The following COLEC12 variants were observed in gnomAD, a reference collection of about 807,000 sequenced individuals.
COLEC12 encodes collectin subfamily member 12.
Under a neutral mutation model 71.1 loss-of-function variants are expected in COLEC12, and 33 were observed. The ratio of observed to expected loss-of-function variants is 0.46; its 90% CI spans 0.35 to 0.62. The LOEUF is 0.62. Among genes scored for constraint, COLEC12 ranks in the 20% least tolerant of loss-of-function variants. COLEC12 has a pLI of 0.00. For synonymous variants in COLEC12, 350 were observed against 353.0 expected (o/e 0.99, Z 0.10); for missense variants, 765 against 916.1 (o/e 0.84, Z 2.13).
At chr18:392,066 C>T (rs954264367) in intron 2 of COLEC12, among the ~76,000 whole-genome samples, 6 of 152,198 alleles carry the variant, frequency 3.9e-5, no homozygotes, top group Non-Finnish European at 7.3e-5. Flanking sequence ...TACCTGGGGC[C>T]ATTCATGGGA....
rs1201265619 is a variant in COLEC12 at position 334,945 on chromosome 18, G to A, written c.1613C>T (p.Pro538Leu). 1.3e-6 allele frequency: 2 copies of A among 1,572,148 alleles called. No homozygotes were observed. The highest frequency in any genetic ancestry group is 1.7e-6 in the Non-Finnish European group (2 of 1,167,084). ...GAAGCCAGGAGGGCCCTGAGGGCCG[G>A]GGAGTCCCTCTTTGCCTGGTGGGCC... ...PPGPPGKEGL[P>L]GPQGPPGFQG... is the part of the protein sequence containing the mutation. Residue 538 changes from proline to leucine, a missense_variant, in exon 6 of 10, where the codon CCC becomes CTC. Physicochemically the swap from Pro to Leu is moderately conservative, Grantham distance 98. Transcript: ENST00000400256.
intron 2 of COLEC12, among the ~76,000 whole-genome samples, chr18:458,443 C>T (rs1916913689): frequency 6.6e-6 from 1 of 152,228 alleles, no homozygotes; most frequent in African/African-American, 2.4e-5. Context: ...CGTGGGTGGG[C>T]TGAGGAGGGG....
In COLEC12 at chr18:500,609, T is replaced by C; in HGVS notation, c.-95A>G. On this transcript the variant is annotated 5_prime_UTR_variant, in exon 1 of 10. The change abolishes an upstream ATG in the 5' untranslated region. Transcript: ENST00000400256. The surrounding 1 kb of genome is among the most constrained non-coding windows in gnomAD (Gnocchi z 5.3). Reference sequence around the variant, plus strand: ...CGAGCGGCTGCTCACCGCACGCCCATGGTAGCCGCGCCGCGCGCCGGCCGT... The same window carrying C: ...CGAGCGGCTGCTCACCGCACGCCCACGGTAGCCGCGCCGCGCGCCGGCCGT... The C allele has an allele frequency of 2.9e-6, 3 of 1,043,884 alleles. No homozygotes were observed. Among genetic ancestry groups the C allele is most frequent in the East Asian group, 3.7e-5 (1 of 26,716 alleles). The allele number at this position is 1,043,884 out of a possible 1,614,324, so 64.7% of individuals were successfully genotyped here.
At chr18:359,360 T>C (rs970776818) in intron 2 of COLEC12, among the ~76,000 whole-genome samples, 5 of 152,366 alleles carry the variant, frequency 3.3e-5, no homozygotes, top group South Asian at 2.1e-4. Flanking sequence ...TTATAACCTA[T>C]GGCAGAAAAT....
chr18:350,055 T>C (rs1914475210), intron 3 of COLEC12, among the ~76,000 whole-genome samples: 1 of 152,200 alleles, frequency 6.6e-6, no homozygotes, highest in African/African-American at 2.4e-5. Flanking sequence ...ATGATTTGTT[T>C]TGAAACGTGA....
chr18:442,406 G>A (rs1219087042), intron 2 of COLEC12, among the ~76,000 whole-genome samples: 1 of 152,202 alleles, frequency 6.6e-6, no homozygotes, highest in African/African-American at 2.4e-5. Context: ...CAGTGGAGCT[G>A]TTGGGAGGCC....
rs1914379945 is a variant in COLEC12 at position 346,661 on chromosome 18, C to T, written c.961G>A (p.Ala321Thr). 5.0e-6 allele frequency: 8 copies of T among 1,614,090 alleles called. No individual in the cohort carries two copies. The highest frequency in any genetic ancestry group is 5.9e-6 in the Non-Finnish European group (7 of 1,180,048). ...AACTTGATGGCTGTTCTATTCTCTG[C>T]ATCTTTGTGTAAGTCCTGCAGGTCT... is the stretch of plus-strand genomic sequence containing the variant. ...LKDLQDLHKDAENRTAIKFNQ... is the reference protein window; with the variant it reads ...LKDLQDLHKDTENRTAIKFNQ... Residue 321 changes from alanine (A) to threonine (T), a missense_variant, in exon 5 of 10, where the codon GCA becomes ACA. Transcript: ENST00000400256. The surrounding 1 kb of genome is among the most constrained non-coding windows in gnomAD (Gnocchi z 4.0).
chr18:497,383 GGTGTGTGTGTGTGTGTGTGTGT>G (rs10689788), intron 1 of COLEC12, among the ~76,000 whole-genome samples: 4 of 147,052 alleles, frequency 2.7e-5, no homozygotes, highest in Admixed American at 1.3e-4. Flanking sequence ...TAAAGAATGG[GGTGTGTGTGTGTGTGTGTGTGT>G]GTGTGTGTGT....
intron 2 of COLEC12, chr18:424,404 T>C (rs188939278): frequency 4.6e-5 from 7 of 152,366 alleles, no homozygotes; most frequent in Admixed American, 2.0e-4. Flanking sequence ...GACTTTTATG[T>C]GCAGGAAGCT....
intron 2 of COLEC12, among the ~76,000 whole-genome samples, chr18:393,724 A>C (rs1438907766): frequency 6.6e-6 from 1 of 152,210 alleles, no homozygotes; most frequent in Non-Finnish European, 1.5e-5. Flanking sequence ...CCAGTGTAGC[A>C]CTTATCATAA....
At chr18:450,972 T>C (rs776564874) in intron 2 of COLEC12, among the ~76,000 whole-genome samples, 1 of 152,242 alleles carries the variant, frequency 6.6e-6, no homozygotes, top group Non-Finnish European at 1.5e-5. Flanking sequence ...TTTAGGGATC[T>C]GTAGAACTTT....
intron 2 of COLEC12, among the ~76,000 whole-genome samples, chr18:403,995 GTTAT>G (rs1335290541): frequency 6.6e-6 from 1 of 152,142 alleles, no homozygotes; most frequent in Non-Finnish European, 1.5e-5. Flanking sequence ...GGTTGGTTGG[GTTAT>G]TTATTTATCT....
chr18:374,097 C>T (rs541359821), intron 2 of COLEC12, among the ~76,000 whole-genome samples: 35 of 152,186 alleles, frequency 2.3e-4, no homozygotes, highest in Non-Finnish European at 1.6e-4. Flanking sequence ...TCAAAGGCAG[C>T]GAGCGGCATA....
intron 8 of COLEC12, among the ~76,000 whole-genome samples, chr18:326,370 T>C (rs1041550119): frequency 3.3e-5 from 5 of 152,262 alleles, no homozygotes; most frequent in African/African-American, 1.2e-4. Flanking sequence ...TTTTTTGAGA[T>C]GGAGTCTCGC....
At chr18:344,125 T>C (rs377595002) in intron 5 of COLEC12, among the ~76,000 whole-genome samples, 30 of 151,584 alleles carry the variant, frequency 2.0e-4, no homozygotes, top group African/African-American at 7.0e-4. Context: ...GTCTAAGAAT[T>C]TTTTTTTAAA....
chr18:462,815 G>T (rs1442900365), intron 2 of COLEC12, among the ~76,000 whole-genome samples: 1 of 152,180 alleles, frequency 6.6e-6, no homozygotes, highest in Non-Finnish European at 1.5e-5. Flanking sequence ...ACATGGATAT[G>T]GATTTATAAG....
At chr18:439,118 A>G (rs1219512998) in intron 2 of COLEC12, among the ~76,000 whole-genome samples, 1 of 152,198 alleles carries the variant, frequency 6.6e-6, no homozygotes, top group African/African-American at 2.4e-5. Flanking sequence ...AGATGAGGCA[A>G]GTTTCCTTGC....
At chr18:441,163 G>A (rs976743909) in intron 2 of COLEC12, among the ~76,000 whole-genome samples, 5 of 148,952 alleles carry the variant, frequency 3.4e-5, no homozygotes, top group East Asian at 2.0e-4. Context: ...CAGGAGAATG[G>A]CGTGAACCCG....
chr18:433,183 G>A (rs758258956), intron 2 of COLEC12, among the ~76,000 whole-genome samples: 13 of 152,082 alleles, frequency 8.5e-5, no homozygotes, highest in Non-Finnish European at 1.3e-4. Flanking sequence ...CACACCAATC[G>A]GAGGCTGAAA....
Sources: allele counts gnomAD v4.1 joint callset (sites outside exome capture counted in the v4.1 genomes callset), GRCh38; gene constraint gnomAD v4.1.1; non-coding constraint Gnocchi (gnomAD v3.1); transcripts MANE v1.5; gene names NCBI Gene and HGNC (gene_info 2026-07-23, HGNC 2026-07-21).